Variants in UBAP1 observed in about 807,000 individuals in gnomAD.
The protein encoded by UBAP1 is ubiquitin associated protein 1, also known as ubiquitin-associated protein 1.
A neutral mutation model predicts 39.0 loss-of-function variants in UBAP1; 5 were observed. The ratio of observed to expected loss-of-function variants is 0.13; its 90% CI spans 0.07 to 0.27. The LOEUF (loss-of-function observed/expected upper bound fraction) is 0.27, where lower values mean the gene tolerates loss of function less well. UBAP1 is among the 10% of genes least tolerant of loss of function. UBAP1 has a pLI of 1.00. For missense variants in UBAP1, 490 were observed against 608.1 expected, an observed-to-expected ratio of 0.81 and a Z score of 2.04; for synonymous variants, 211 against 225.1, an observed-to-expected ratio of 0.94 and a Z score of 0.56.
chr9:34,196,988 C>T (rs1328530001), intron 1 of UBAP1, among the ~76,000 whole-genome samples: 1 of 150,574 alleles, frequency 6.6e-6, no homozygotes, highest in African/African-American at 2.4e-5. Context: ...AGTGCAGTGA[C>T]ACAATCTTGG....
chr9:34,209,415 T>G (rs1417678459), intron 1 of UBAP1, among the ~76,000 whole-genome samples: 1 of 152,254 alleles, frequency 6.6e-6, no homozygotes, highest in Admixed American at 6.5e-5. Flanking sequence ...AGATTTGTTA[T>G]CTATTTCTGC....
intron 1 of UBAP1, among the ~76,000 whole-genome samples, chr9:34,203,058 A>T (rs1287830222): frequency 6.6e-6 from 1 of 152,092 alleles, no homozygotes; most frequent in Non-Finnish European, 1.5e-5. Context: ...GTTGAAGGAA[A>T]CTGAATCACT....
chr9:34,203,523 G>A (rs543697283), intron 1 of UBAP1, among the ~76,000 whole-genome samples: 3 of 152,242 alleles, frequency 2.0e-5, no homozygotes, highest in South Asian at 4.2e-4. Flanking sequence ...ATTTGTCCTC[G>A]TAGTGCATAA....
chr9:34,246,081 T>C (rs1164918114), intron 4 of UBAP1, among the ~76,000 whole-genome samples: 1 of 152,222 alleles, frequency 6.6e-6, no homozygotes, highest in East Asian at 1.9e-4. Flanking sequence ...GTTTTAATTC[T>C]TTATTTTTAA....
At chr9:34,192,147 A>G (rs997683285) in intron 1 of UBAP1, among the ~76,000 whole-genome samples, 3 of 151,364 alleles carry the variant, frequency 2.0e-5, no homozygotes, top group African/African-American at 7.3e-5. Context: ...CCCGGCCTGT[A>G]TAAACTTTTT....
At chr9:34,186,295 T>C (rs979862292) in intron 1 of UBAP1, among the ~76,000 whole-genome samples, 6 of 152,218 alleles carry the variant, frequency 3.9e-5, no homozygotes, top group African/African-American at 1.4e-4. Flanking sequence ...GTTTCTTTTT[T>C]ATATTGCTGA....
intron 1 of UBAP1, among the ~76,000 whole-genome samples, chr9:34,200,933 G>T (rs1831333541): frequency 6.6e-6 from 1 of 151,858 alleles, no homozygotes; most frequent in African/African-American, 2.4e-5. Context: ...TTTTGAGATG[G>T]AGTTTCGCTC....
chr9:34,200,137 C>T (rs1831288314), intron 1 of UBAP1, among the ~76,000 whole-genome samples: 2 of 152,168 alleles, frequency 1.3e-5, no homozygotes, highest in South Asian at 2.1e-4. Context: ...TGCTGTTTTC[C>T]TCGTAATTAG....
chr9:34,249,651 C>A, intron 4 of UBAP1, 128 bp from the exon 5 acceptor site: 1 of 886,378 alleles, frequency 1.1e-6, no homozygotes, highest in South Asian at 1.7e-5. Flanking sequence ...CTGGCGATTT[C>A]TTCCAACCTG....
chr9:34,243,131 A>G (rs990941567), intron 4 of UBAP1, among the ~76,000 whole-genome samples: 1 of 152,102 alleles, frequency 6.6e-6, no homozygotes, highest in African/African-American at 2.4e-5. Flanking sequence ...GCTTCATTCT[A>G]ATTCCTCTTG....
chr9:34,236,713 G>A (rs1587872015), intron 3 of UBAP1, among the ~76,000 whole-genome samples: 1 of 151,842 alleles, frequency 6.6e-6, no homozygotes, highest in African/African-American at 2.4e-5. Context: ...GGCTGTTGCA[G>A]TAGCCTCTTT....
At chr9:34,220,882 C>A in intron 1 of UBAP1, 26 bp from the exon 2 acceptor site, 1 of 1,610,814 alleles carries the variant, frequency 6.2e-7, no homozygotes. Context: ...TATAATGTGC[C>A]TAAGAAATAT....
At chr9:34,205,876 C>T (rs1831657687) in intron 1 of UBAP1, among the ~76,000 whole-genome samples, 1 of 152,154 alleles carries the variant, frequency 6.6e-6, no homozygotes, top group South Asian at 2.1e-4. Context: ...CCTGTAGTCC[C>T]AGCTACTCAG....
rs1489969617 is a variant in UBAP1, at chr9:34,179,060, C to A, written c.-188C>A. The A allele has an allele frequency of 7.8e-7, 1 of 1,279,734 alleles. No individual in the cohort carries two copies. Among genetic ancestry groups the A allele is most frequent in the Admixed American group, 3.9e-5 (1 of 25,712 alleles). The allele number at this position is 1,279,734 out of a possible 1,614,324, so 79.3% of individuals were successfully genotyped here. ...AAGGAGGAGGGAAGTAGGACTTCAA[C>A]ATGGCGGCTGCGGCACTGGCGGTGG... On this transcript the variant is annotated 5_prime_UTR_variant, in exon 1 of 7. Coordinates refer to ENST00000297661, the MANE Select transcript of UBAP1 (RefSeq NM_016525.5).
chr9:34,224,190 A>AT (rs1832918912), intron 2 of UBAP1: 1 of 546,642 alleles, frequency 1.8e-6, no homozygotes, highest in Non-Finnish European at 3.3e-6. Flanking sequence ...TTTTTAGATC[A>AT]TTTTTTGTTT....
intron 1 of UBAP1, among the ~76,000 whole-genome samples, chr9:34,181,133 T>TTTTTTTTTTG (rs1830005363): frequency 8.3e-6 from 1 of 119,930 alleles, no homozygotes; most frequent in Non-Finnish European, 1.7e-5. Context: ...TTTTTTTTTT[T>TTTTTTTTTTG]GAGACAGAGT....
intron 2 of UBAP1, 34 bp downstream of exon 2, chr9:34,220,982 T>C (rs543797668): frequency 1.8e-5 from 28 of 1,596,596 alleles, no homozygotes; most frequent in Middle Eastern, 1.7e-4. Context: ...GTTTAAGTTA[T>C]GATTTGATCA....
intron 1 of UBAP1, among the ~76,000 whole-genome samples, chr9:34,202,243 C>CAA (rs1426384894): frequency 6.6e-6 from 1 of 152,114 alleles, no homozygotes; most frequent in African/African-American, 2.4e-5. Flanking sequence ...TGGGTCACTG[C>CAA]AACCTCCACC....
intron 1 of UBAP1, among the ~76,000 whole-genome samples, chr9:34,209,318 G>A (rs1831892061): frequency 5.9e-5 from 9 of 152,142 alleles, no homozygotes; most frequent in Admixed American, 5.9e-4. Flanking sequence ...TTTGTAACAT[G>A]TTCTTTGGGT....
Sources: allele counts gnomAD v4.1 joint callset (sites outside exome capture counted in the v4.1 genomes callset), GRCh38; gene constraint gnomAD v4.1.1; transcripts MANE v1.5; gene names NCBI Gene and HGNC (gene_info 2026-07-23, HGNC 2026-07-21).